Variants in TVP23A observed in about 807,000 individuals in gnomAD.
TVP23A encodes the protein Golgi apparatus membrane protein TVP23 homolog A.
Under a neutral mutation model 31.7 loss-of-function variants are expected in TVP23A, and 21 were observed. The observed-to-expected ratio is 0.66, with a 90% CI of 0.47 to 0.95. The LOEUF is 0.95. Ranked by LOEUF, TVP23A falls within the 40% of genes least tolerant of loss-of-function variation. The pLI, the probability that TVP23A is intolerant of heterozygous loss-of-function variation, is 0.00. For missense variants in TVP23A, 279 were observed against 255.6 expected, an observed-to-expected ratio of 1.09 and a Z score of -0.62; for synonymous variants, 104 against 96.0, an observed-to-expected ratio of 1.08 and a Z score of -0.49.
intron 2 of TVP23A, among the ~76,000 whole-genome samples, chr16:10,817,289 G>C (rs1392153196): frequency 1.3e-5 from 2 of 152,234 alleles, no homozygotes; most frequent in African/African-American, 4.8e-5. Context: ...TATTAGGTTT[G>C]AATCAGAGAG....
At chr16:10,769,684 G>A (rs1464133165) in intron 7 of TVP23A, among the ~76,000 whole-genome samples, 1 of 152,220 alleles carries the variant, frequency 6.6e-6, no homozygotes, top group Non-Finnish European at 1.5e-5. Flanking sequence ...GAATCACCCA[G>A]TAAGACAGAA....
intron 2 of TVP23A, among the ~76,000 whole-genome samples, chr16:10,796,822 TA>T (rs531141550): frequency 1.4e-3 from 207 of 152,264 alleles, no homozygotes; most frequent in African/African-American, 4.7e-3. Context: ...GAATAAGCTG[TA>T]AAAAATAAAG....
chr16:10,798,619 T>A (rs2033532297), intron 2 of TVP23A, among the ~76,000 whole-genome samples: 1 of 152,132 alleles, frequency 6.6e-6, no homozygotes, highest in South Asian at 2.1e-4. Context: ...GTATGTCACT[T>A]TTGAGATTAG....
chr16:10,787,678 T>G (rs1002136990), intron 2 of TVP23A, among the ~76,000 whole-genome samples: 3 of 98,936 alleles, frequency 3.0e-5, no homozygotes, highest in African/African-American at 4.3e-4. Flanking sequence ...AGTGGGCTGG[T>G]TTTTTTCCCT....
chr16:10,810,531 A>G lies in TVP23A; in HGVS notation c.89+7572T>C, dbSNP rs186169837. On this transcript the variant is annotated intron_variant, in intron 2 of 7. Transcript: ENST00000299866. Reference sequence around the variant, plus strand: ...CATGGTATTCCAGCCTGGGTGACAGAGCAAGACCCTGTCTCAAAAAAAAAA... The same window carrying G: ...CATGGTATTCCAGCCTGGGTGACAGGGCAAGACCCTGTCTCAAAAAAAAAA... 6.0e-4 allele frequency among the ~76,000 whole-genome samples: 90 copies of G among 149,744 alleles called. 3 individuals are homozygous for G. Among genetic ancestry groups the G allele is most frequent in the Admixed American group, 5.2e-3 (78 of 15,048 alleles).
intron 6 of TVP23A, among the ~76,000 whole-genome samples, chr16:10,771,201 TA>T (rs1470632317): frequency 2.0e-5 from 3 of 152,242 alleles, no homozygotes; most frequent in Non-Finnish European, 2.9e-5. Flanking sequence ...CTATACATTT[TA>T]AAATGGTTAC....
In TVP23A at chr16:10,785,720, G is replaced by A. The variant is rs150964041; in HGVS notation, c.90-10624C>T. Among the ~76,000 whole-genome samples the A allele has an allele frequency of 4.6e-3, 705 of 152,240 alleles. 6 individuals are homozygous for A. Among genetic ancestry groups the A allele is most frequent in the African/African-American group, 0.016 (671 of 41,556 alleles). ...ACTTATGTAAGATGAACATTGGTTG[G>A]GTCTGGAAAGGCGGAACACCTTTCC... On this transcript the variant is annotated intron_variant, in intron 2 of 7. Coordinates refer to ENST00000299866, the MANE Select transcript of TVP23A (RefSeq NM_001079512.4).
intron 2 of TVP23A, among the ~76,000 whole-genome samples, chr16:10,787,327 TGTAAAATCCA>T (rs1486339770): frequency 2.0e-5 from 3 of 152,182 alleles, no homozygotes; most frequent in Non-Finnish European, 4.4e-5. Flanking sequence ...AAGAGCAGCC[TGTAAAATCCA>T]GCTGCAGACA....
intron 2 of TVP23A, among the ~76,000 whole-genome samples, chr16:10,803,943 A>T (rs4780996): frequency 6.6e-6 from 1 of 152,150 alleles, no homozygotes; most frequent in Non-Finnish European, 1.5e-5. Context: ...GAATTAAATA[A>T]TTTAAAGGGG....
Position 10,777,946 on chromosome 16 carries a change from G to A in TVP23A, c.90-2850C>T, listed in dbSNP as rs2032163705. 6.6e-6 allele frequency among the ~76,000 whole-genome samples: 1 copy of A among 152,158 alleles called. No homozygotes were observed. Among genetic ancestry groups the A allele is most frequent in the Admixed American group, 6.5e-5 (1 of 15,276 alleles). On this transcript the variant is annotated intron_variant, in intron 2 of 7. Transcript: ENST00000299866. This position sits in a 1 kb window ranked among gnomAD's most constrained non-coding sequence, Gnocchi z 4.5. Reference sequence around the variant, plus strand: ...GAATTGCTTGAATCTGGGAGGCGGAGGTTGCAGTGAGTTGAGATCGTACTA... The same window carrying A: ...GAATTGCTTGAATCTGGGAGGCGGAAGTTGCAGTGAGTTGAGATCGTACTA...
intron 2 of TVP23A, among the ~76,000 whole-genome samples, chr16:10,775,975 C>G (rs1346774534): frequency 1.3e-5 from 2 of 151,472 alleles, no homozygotes; most frequent in African/African-American, 4.8e-5. Flanking sequence ...TTTCGAACTC[C>G]TGACCTCAGG....
intron 2 of TVP23A, among the ~76,000 whole-genome samples, chr16:10,802,963 C>T (rs1034710510): frequency 2.0e-5 from 3 of 152,164 alleles, no homozygotes; most frequent in Non-Finnish European, 4.4e-5. Context: ...ATTTTCAACA[C>T]TGCTTAAGAA....
At chr16:10,817,890 T>C (rs1260777074) in intron 2 of TVP23A, among the ~76,000 whole-genome samples, 1 of 152,178 alleles carries the variant, frequency 6.6e-6, no homozygotes, top group Non-Finnish European at 1.5e-5. Context: ...ATTAATCTCC[T>C]TGCCTGTTCA....
chr16:10,783,949 T>C (rs1253387358), intron 2 of TVP23A, among the ~76,000 whole-genome samples: 1 of 151,934 alleles, frequency 6.6e-6, no homozygotes, highest in African/African-American at 2.4e-5. Context: ...GAGGGATGCA[T>C]AGGTGGAGCA....
intron 2 of TVP23A, among the ~76,000 whole-genome samples, chr16:10,815,525 G>A (rs752493062): frequency 6.6e-6 from 1 of 152,258 alleles, no homozygotes; most frequent in Admixed American, 6.5e-5. Flanking sequence ...TTGCCCCACA[G>A]AGGATATTTG....
rs2032103319 is a variant in TVP23A at position 10,777,368 on chromosome 16, GAGCTTGCAA to G, written c.90-2281_90-2273del. ...TGTTTCTCACTGGCCTGCGAGCAGT[GAGCTTGCAA>G]CCTCTGGATTAGGTTACAAAATGTT... On this transcript the variant is annotated intron_variant, in intron 2 of 7. Coordinates refer to ENST00000299866, the MANE Select transcript of TVP23A (RefSeq NM_001079512.4). This position sits in a 1 kb window ranked among gnomAD's most constrained non-coding sequence, Gnocchi z 4.5. Among the ~76,000 whole-genome samples the G allele has an allele frequency of 6.6e-6, 1 of 152,132 alleles. No homozygotes were observed. Among genetic ancestry groups the G allele is most frequent in the Non-Finnish European group, 1.5e-5 (1 of 68,024 alleles).
chr16:10,817,979 G>T, intron 2 of TVP23A, 124 bp downstream of exon 2: 1 of 826,194 alleles, frequency 1.2e-6, no homozygotes, highest in Non-Finnish European at 2.0e-6. Context: ...TGTGTCCACA[G>T]ATATGTCCCC....
At chr16:10,814,766 G>A (rs2034361212) in intron 2 of TVP23A, among the ~76,000 whole-genome samples, 1 of 152,166 alleles carries the variant, frequency 6.6e-6, no homozygotes, top group South Asian at 2.1e-4. Flanking sequence ...CACCACAGGT[G>A]GCTGAGGCCA....
intron 2 of TVP23A, among the ~76,000 whole-genome samples, chr16:10,790,433 C>T (rs2033041328): frequency 6.6e-6 from 1 of 151,882 alleles, no homozygotes; most frequent in Non-Finnish European, 1.5e-5. Context: ...TACAGGCGCC[C>T]GCCACCATGC....
Sources: gnomAD v4.1 joint callset for allele counts (sites outside exome capture counted in the v4.1 genomes callset) on GRCh38, gnomAD v4.1.1 for gene constraint, Gnocchi (gnomAD v3.1) non-coding constraint, MANE v1.5 for transcripts, NCBI Gene and HGNC (gene_info 2026-07-23, HGNC 2026-07-21) for gene names.